CASR: variants seen among roughly 807,000 people sequenced by gnomAD.
CASR encodes the protein extracellular calcium-sensing receptor.
CASR carries 23 observed loss-of-function variants against 69.1 expected under a neutral mutation model. The ratio of observed to expected loss-of-function variants is 0.33; its 90% confidence interval spans 0.24 to 0.47. CASR has a LOEUF of 0.47. CASR is among the 20% of genes least tolerant of loss of function. The pLI, the probability that CASR is intolerant of heterozygous loss-of-function variation, is 1.00. For synonymous variants in CASR, 541 were observed against 544.7 expected, an observed-to-expected ratio of 0.99 and a Z score of 0.10; for missense variants, 924 against 1,356.1, an observed-to-expected ratio of 0.68 and a Z score of 5.00.
chr3:122,278,968 T>C (rs2074854955), intron 5 of CASR, among the ~76,000 whole-genome samples: 1 of 152,218 alleles, frequency 6.6e-6, no homozygotes, highest in Admixed American at 6.5e-5. Context: ...GATGACATTT[T>C]TCAGCCTTCA....
chr3:122,209,578 G>A (rs2074041821), intron 1 of CASR, among the ~76,000 whole-genome samples: 2 of 152,100 alleles, frequency 1.3e-5, no homozygotes, highest in Admixed American at 6.6e-5. Flanking sequence ...CTTATTCACT[G>A]TCACAAGAAT....
chr3:122,203,823 T>A (rs2073980424), intron 1 of CASR, among the ~76,000 whole-genome samples: 2 of 152,272 alleles, frequency 1.3e-5, no homozygotes, highest in South Asian at 4.1e-4. Context: ...AGCTCCATCA[T>A]AATTTTATGG....
chr3:122,244,132 A>G (rs937962626), intron 1 of CASR, among the ~76,000 whole-genome samples: 1 of 152,294 alleles, frequency 6.6e-6, no homozygotes, highest in East Asian at 1.9e-4. Flanking sequence ...TGGGATGACT[A>G]TAGTCAATAA....
At position 122,284,120 on chromosome 3, in the gene CASR, C is replaced by G. The variant is rs771601139; in HGVS notation, c.2166C>G (p.Asn722Lys). The change falls in exon 7 of 7, where the codon AAC becomes AAG. Residue 722 changes from asparagine (N) to lysine (K), a missense_variant. This residue lies in a region of CASR where 184 missense variants were observed against 278.8 expected (regional missense o/e 0.66). Transcript: ENST00000639785. ...TCCACCGCAAGTGGTGGGGGCTCAA[C>G]CTGCAGTTCCTGCTGGTTTTCCTCT... is the stretch of plus-strand genomic sequence containing the variant. ...TSFHRKWWGL[N>K]LQFLLVFLCT... The G allele has an allele frequency of 4.3e-6, 7 of 1,613,838 alleles. No homozygotes were observed. In the South Asian group the frequency reaches 7.7e-5, roughly 18 times the overall value.
intron 1 of CASR, among the ~76,000 whole-genome samples, chr3:122,209,082 A>G (rs2074036885): frequency 6.6e-6 from 1 of 152,166 alleles, no homozygotes; most frequent in African/African-American, 2.4e-5. Context: ...TCAAGTGTGT[A>G]TCAGAGTCAC....
chr3:122,209,629 A>G (rs33988695), intron 1 of CASR, among the ~76,000 whole-genome samples: 73,489 of 151,970 alleles, frequency 0.48, 18,697 homozygotes, highest in African/African-American at 0.58. Flanking sequence ...ATTATCTCCC[A>G]CAAGGTCCCT....
intron 1 of CASR, chr3:122,184,172 G>C (rs934632066): frequency 6.6e-6 from 1 of 152,368 alleles, no homozygotes; most frequent in Non-Finnish European, 1.5e-5. Context: ...AAGGAACCGG[G>C]ACTAACTGGG....
chr3:122,257,369 GC>G lies in CASR; in HGVS notation c.475del (p.Leu159SerfsTer98), dbSNP rs773145592. ...CCACGGCAGTGGCAAATCTGCTGGG[GC>G]TCTTCTACATTCCCCAGGTACTCAA... ...VSTAVANLLG[L>X]FYIPQVSYAS... On this transcript the variant is annotated frameshift_variant, in exon 3 of 7. Coordinates refer to ENST00000639785, the MANE Select transcript of CASR (RefSeq NM_000388.4). LOFTEE classifies it high-confidence loss of function. 6.2e-7 allele frequency: 1 copy of G among 1,613,824 alleles called. No homozygotes were observed. The highest frequency in any genetic ancestry group is 1.1e-5 in the South Asian group (1 of 91,078).
intron 1 of CASR, among the ~76,000 whole-genome samples, chr3:122,242,194 G>GAGAA (rs1224073349): frequency 6.6e-6 from 1 of 151,970 alleles, no homozygotes; most frequent in Non-Finnish European, 1.5e-5. Flanking sequence ...AATCAGACAA[G>GAGAA]AGAAAGAAAG....
chr3:122,278,716 C>A (rs1038201076), intron 5 of CASR, among the ~76,000 whole-genome samples: 2 of 152,132 alleles, frequency 1.3e-5, no homozygotes, highest in African/African-American at 4.8e-5. Context: ...TTCTTCTAAG[C>A]CTTGACTGGT....
chr3:122,289,562 T>C lies in CASR; in HGVS notation c.*4371T>C, dbSNP rs1367489446. 2 of 152,344 alleles carry C rather than the reference T, an allele frequency of 1.3e-5. No homozygotes were observed. The highest frequency in any genetic ancestry group is 6.6e-5 in the Admixed American group (1 of 15,266). The allele number at this position is 152,344 out of a possible 1,614,324, so 9.4% of individuals were successfully genotyped here. Reference sequence around the variant, plus strand: ...AAAGCTCAGCAAGTGGTATGAGAAATGGAGAACTGCTAGGTGAAGGCCAAC... The same window carrying C: ...AAAGCTCAGCAAGTGGTATGAGAAACGGAGAACTGCTAGGTGAAGGCCAAC... On this transcript the variant is annotated 3_prime_UTR_variant, in exon 7 of 7. Transcript: ENST00000639785.
chr3:122,210,974 A>G (rs1160659092), intron 1 of CASR, among the ~76,000 whole-genome samples: 2 of 152,232 alleles, frequency 1.3e-5, no homozygotes, highest in Admixed American at 1.3e-4. Context: ...TGTGACAAGA[A>G]CAAGCAATGG....
chr3:122,274,228 G>A (rs996558966), intron 4 of CASR, among the ~76,000 whole-genome samples: 7 of 152,224 alleles, frequency 4.6e-5, no homozygotes, highest in Non-Finnish European at 4.4e-5. Flanking sequence ...ATGGAGCAGC[G>A]TTCACAGACT....
At chr3:122,199,598 G>T (rs1258164572) in intron 1 of CASR, among the ~76,000 whole-genome samples, 1 of 152,064 alleles carries the variant, frequency 6.6e-6, no homozygotes, top group African/African-American at 2.4e-5. Flanking sequence ...TGTAAAAATA[G>T]TCCATAATCT....
chr3:122,263,462 T>C (rs1242637804), intron 4 of CASR, among the ~76,000 whole-genome samples: 1 of 152,246 alleles, frequency 6.6e-6, no homozygotes, highest in Non-Finnish European at 1.5e-5. Context: ...TAAACAGATG[T>C]GTGATTATTA....
At chr3:122,215,314 A>G (rs4678126) in intron 1 of CASR, among the ~76,000 whole-genome samples, 23,816 of 152,220 alleles carry the variant, frequency 0.16, 1,901 homozygotes, top group Non-Finnish European at 0.17. Context: ...TGCTTATCCC[A>G]TGATGCTTCC....
At chr3:122,260,886 G>GT (rs2074612982) in intron 3 of CASR, among the ~76,000 whole-genome samples, 1 of 152,136 alleles carries the variant, frequency 6.6e-6, no homozygotes, top group Admixed American at 6.5e-5. Flanking sequence ...ATTAAGCTTA[G>GT]TTTTTTCTAA....
chr3:122,240,658 T>G (rs1279591844), intron 1 of CASR, among the ~76,000 whole-genome samples: 3 of 152,206 alleles, frequency 2.0e-5, no homozygotes, highest in Non-Finnish European at 4.4e-5. Context: ...ACATCAGACT[T>G]AATCTGCAGT....
At chr3:122,212,346 G>A (rs759973774) in intron 1 of CASR, among the ~76,000 whole-genome samples, 3 of 152,116 alleles carry the variant, frequency 2.0e-5, no homozygotes, top group African/African-American at 4.8e-5. Context: ...CTTATAAGTG[G>A]GAGCTGAACG....
Sources: allele counts gnomAD v4.1 joint callset (sites outside exome capture counted in the v4.1 genomes callset), GRCh38; gene constraint gnomAD v4.1.1; regional missense constraint gnomAD v4.1.1; transcripts MANE v1.5; gene names NCBI Gene and HGNC (gene_info 2026-07-23, HGNC 2026-07-21).